KDM4C: variants seen among roughly 807,000 people sequenced by gnomAD.
KDM4C encodes the protein lysine-specific demethylase 4C.
In KDM4C, 81 loss-of-function variants were observed where a neutral mutation model predicts 129.3. The observed-to-expected ratio is 0.63, with a 90% CI of 0.52 to 0.75. KDM4C has a LOEUF of 0.75. Among genes scored for constraint, KDM4C ranks in the 30% least tolerant of loss-of-function variants. KDM4C has a pLI of 0.00. For missense variants in KDM4C, 1,457 were observed against 1,304.0 expected (o/e 1.12, Z -1.81); for synonymous variants, 573 against 456.1 (o/e 1.26, Z -3.26).
intron 12 of KDM4C, among the ~76,000 whole-genome samples, chr9:6,998,227 A>G (rs1394099179): frequency 1.3e-5 from 2 of 152,216 alleles, no homozygotes; most frequent in Non-Finnish European, 2.9e-5. Flanking sequence ...GCAATGTTAC[A>G]GTAATTTATT....
chr9:6,961,974 T>C (rs1388458671), intron 8 of KDM4C, among the ~76,000 whole-genome samples: 1 of 152,216 alleles, frequency 6.6e-6, no homozygotes, highest in Non-Finnish European at 1.5e-5. Flanking sequence ...CACAAGTTCA[T>C]TTATAAATCA....
rs558219314 is a variant in KDM4C at position 6,750,972 on chromosome 9, C to T, written c.49+29975C>T. 3.3e-5 allele frequency among the ~76,000 whole-genome samples: 5 copies of T among 152,184 alleles called. No homozygotes were observed. The South Asian group carries it at 1.0e-3, about 32-fold the overall frequency. ...GTGCTGGCAGTCCACTGGGTGGGTA[C>T]CTTGGTTATTTTTTCATGAAACCTC... On this transcript the variant is annotated intron_variant, in intron 1 of 17. Transcript: ENST00000536108.
At chr9:6,937,805 G>A (rs1386155622) in intron 8 of KDM4C, among the ~76,000 whole-genome samples, 1 of 152,032 alleles carries the variant, frequency 6.6e-6, no homozygotes, top group South Asian at 2.1e-4. Context: ...TCTGCCTCCC[G>A]GGTTCAAGCA....
intron 8 of KDM4C, among the ~76,000 whole-genome samples, chr9:6,963,822 G>A (rs988607338): frequency 6.6e-6 from 1 of 152,050 alleles, no homozygotes; most frequent in Non-Finnish European, 1.5e-5. Flanking sequence ...CTACTTGATG[G>A]TGTTTCCGCC....
At chr9:6,883,360 C>T (rs966410244) in intron 6 of KDM4C, among the ~76,000 whole-genome samples, 1 of 152,116 alleles carries the variant, frequency 6.6e-6, no homozygotes, top group Non-Finnish European at 1.5e-5. Flanking sequence ...GTGATATATC[C>T]TCTGCCTTCA....
intron 17 of KDM4C, among the ~76,000 whole-genome samples, chr9:7,060,524 C>T (rs1362591489): frequency 6.6e-6 from 1 of 150,672 alleles, no homozygotes; most frequent in East Asian, 1.9e-4. Flanking sequence ...GGTCTGTCAC[C>T]AGGCTGGAGT....
intron 17 of KDM4C, among the ~76,000 whole-genome samples, chr9:7,067,903 C>T (rs1424958962): frequency 1.3e-5 from 2 of 152,094 alleles, no homozygotes; most frequent in Non-Finnish European, 2.9e-5. Flanking sequence ...TCATGCCATT[C>T]TGCTGCCTCA....
At chr9:6,968,982 G>A (rs1410866091) in intron 8 of KDM4C, among the ~76,000 whole-genome samples, 1 of 152,120 alleles carries the variant, frequency 6.6e-6, no homozygotes, top group Non-Finnish European at 1.5e-5. Flanking sequence ...TGTCACCCAA[G>A]CTGGAGTGCA....
chr9:6,725,634 C>A (rs1172454685), intron 1 of KDM4C, among the ~76,000 whole-genome samples: 15 of 147,392 alleles, frequency 1.0e-4, no homozygotes, highest in South Asian at 4.3e-4. Context: ...ATTACAGGCA[C>A]CTGCCACCAC....
intron 18 of KDM4C, among the ~76,000 whole-genome samples, chr9:7,115,519 CAT>C (rs1838799569): frequency 6.6e-6 from 1 of 152,102 alleles, no homozygotes; most frequent in Non-Finnish European, 1.5e-5. Context: ...TCTTGTAACA[CAT>C]AAGAGGTAGG....
chr9:6,914,725 G>A (rs1819996673), intron 8 of KDM4C, among the ~76,000 whole-genome samples: 2 of 152,268 alleles, frequency 1.3e-5, no homozygotes, highest in South Asian at 2.1e-4. Flanking sequence ...TAACAAAAGG[G>A]CTTGAGGAAG....
At chr9:6,815,386 A>T (rs7036170) in intron 4 of KDM4C, among the ~76,000 whole-genome samples, 5,202 of 152,022 alleles carry the variant, frequency 0.034, 277 homozygotes, top group African/African-American at 0.12. Flanking sequence ...TTCTTGAAAT[A>T]TTTATTTCAA....
intron 17 of KDM4C, among the ~76,000 whole-genome samples, chr9:7,083,648 A>T (rs184847999): frequency 2.6e-5 from 4 of 151,744 alleles, no homozygotes; most frequent in East Asian, 3.9e-4. Context: ...TTACAATCTT[A>T]TGGGACCACC....
chr9:7,035,454 A>G (rs1827478799), intron 15 of KDM4C, among the ~76,000 whole-genome samples: 1 of 146,238 alleles, frequency 6.8e-6, no homozygotes, highest in East Asian at 2.0e-4. Context: ...TTTTCACTCT[A>G]TTATTTCCTT....
At chr9:7,139,865 G>A (rs1841567661) in intron 19 of KDM4C, among the ~76,000 whole-genome samples, 1 of 152,126 alleles carries the variant, frequency 6.6e-6, no homozygotes, top group Admixed American at 6.5e-5. Context: ...TGACTCAGGG[G>A]CATAAGGCAG....
intron 19 of KDM4C, among the ~76,000 whole-genome samples, chr9:7,138,904 A>G (rs1268503120): frequency 6.6e-6 from 1 of 152,184 alleles, no homozygotes; most frequent in Non-Finnish European, 1.5e-5. Flanking sequence ...AATTATGCAT[A>G]CTTCCAGTAG....
At chr9:7,017,550 C>T (rs1823911068) in intron 15 of KDM4C, among the ~76,000 whole-genome samples, 2 of 152,112 alleles carry the variant, frequency 1.3e-5, no homozygotes, top group South Asian at 4.1e-4. Context: ...TTCTAACAAT[C>T]TATGTCAACT....
intron 1 of KDM4C, among the ~76,000 whole-genome samples, chr9:6,759,418 C>G (rs1489549768): frequency 2.0e-5 from 3 of 152,170 alleles, no homozygotes; most frequent in Admixed American, 6.5e-5. Context: ...GCAGTCGGCT[C>G]TGCTTTGCGA....
chr9:6,931,018 G>T (rs1357488589), intron 8 of KDM4C, among the ~76,000 whole-genome samples: 3 of 152,104 alleles, frequency 2.0e-5, no homozygotes, highest in Non-Finnish European at 4.4e-5. Context: ...CTTTGCCTGT[G>T]ACTGATGTCT....
Sources: allele counts gnomAD v4.1 joint callset (sites outside exome capture counted in the v4.1 genomes callset), GRCh38; gene constraint gnomAD v4.1.1; transcripts MANE v1.5; gene names NCBI Gene and HGNC (gene_info 2026-07-23, HGNC 2026-07-21).